Variants in CYBB observed in about 807,000 individuals in gnomAD.
CYBB encodes cytochrome b-245 beta chain.
Under a neutral mutation model 46.5 loss-of-function variants are expected in CYBB, and 5 were observed. The observed-to-expected ratio is 0.11, with a 90% CI of 0.06 to 0.23. The LOEUF is 0.23. Among genes scored for constraint, CYBB ranks in the 10% least tolerant of loss-of-function variants. The pLI, the probability that CYBB is intolerant of heterozygous loss-of-function variation, is 1.00. For synonymous variants in CYBB, 183 were observed against 156.7 expected, an observed-to-expected ratio of 1.17 and a Z score of -1.26; for missense variants, 307 against 428.3, an observed-to-expected ratio of 0.72 and a Z score of 2.50.
In CYBB at chrX:37,796,055, C is replaced by A. The variant is rs1929300456; in HGVS notation, c.588C>A (p.Thr196=). Residue 196 remains threonine (T), a synonymous_variant, in exon 6 of 13, where the codon ACC becomes ACA. Coordinates refer to ENST00000378588, the MANE Select transcript of CYBB (RefSeq NM_000397.4). ...TAATTATCACTTCCTCCACCAAAAC[C>A]ATCCGGAGGTCTTACTTTGAAGTCT... ...LILIITSSTK[T]IRRSYFEVFW... is the part of the protein sequence containing the mutation. 1 of 1,208,221 alleles carries A rather than the reference C, an allele frequency of 8.3e-7. No individual in the cohort carries two copies. Among genetic ancestry groups the A allele is most frequent in the South Asian group, 1.8e-5 (1 of 56,946 alleles).
In CYBB at chrX:37,793,746, C is replaced by A; in HGVS notation, c.419C>A (p.Ala140Glu). ...AATAATTCTGATCCTTATTCAGTAG[C>A]ACTCTCTGAACTTGGAGACAGGCAA... ...RVNNSDPYSV[A>E]LSELGDRQNE... The change falls in exon 5 of 13, where the codon GCA (alanine) becomes GAA (glutamate). Residue 140 changes from alanine to glutamate, a missense_variant. This residue lies in a region of CYBB where 103 missense variants were observed against 150.2 expected (regional missense o/e 0.69). Transcript: ENST00000378588. The A allele has an allele frequency of 8.3e-7, 1 of 1,206,948 alleles. No homozygotes were observed. The highest frequency in any genetic ancestry group is 1.1e-6 in the Non-Finnish European group (1 of 891,662).
intron 9 of CYBB, among the ~76,000 whole-genome samples, chrX:37,804,452 T>C: frequency 8.9e-6 from 1 of 112,071 alleles, no homozygotes; most frequent in Middle Eastern, 4.2e-3. Flanking sequence ...TTCTTAAATT[T>C]TCATTGGCAT....
Position 37,781,492 on chromosome X carries a change from T to C in CYBB, c.46-596T>C, listed in dbSNP as rs10442522. On this transcript the variant is annotated intron_variant, in intron 1 of 12. Coordinates refer to ENST00000378588, the MANE Select transcript of CYBB (RefSeq NM_000397.4). The stretch of plus-strand genomic sequence containing the variant: ...GTGACCACTTGATCCAGTCAGTGCT[T>C]AGGATAAAATGAACTGTCATGATCT... 6.6e-3 allele frequency among the ~76,000 whole-genome samples: 737 copies of C among 112,319 alleles called. 11 individuals are homozygous for C. The highest frequency in any genetic ancestry group is 0.023 in the African/African-American group (712 of 30,898).
chrX:37,809,093 G>A (rs1482712981), intron 11 of CYBB, among the ~76,000 whole-genome samples: 1 of 112,351 alleles, frequency 8.9e-6, no homozygotes, highest in Non-Finnish European at 1.9e-5. Context: ...TTGATTTGAT[G>A]TCTTATGCTA....
rs1183063056 is a variant in CYBB, at chrX:37,801,289, T to C, written c.838T>C (p.Tyr280His). Residue 280 changes from tyrosine (Y) to histidine (H), a missense_variant, in exon 8 of 13, where the codon TAT (tyrosine) becomes CAT (histidine). Around this residue, in one of 3 missense-constraint regions of CYBB, gnomAD observed 82 missense variants for 69.9 expected, o/e 1.17. Coordinates refer to ENST00000378588, the MANE Select transcript of CYBB (RefSeq NM_000397.4). Reference protein sequence around the residue: ...WKWIVGPMFLYLCERLVRFWR... With the variant: ...WKWIVGPMFLHLCERLVRFWR... Reference sequence around the variant, plus strand: ...ATGGATAGTGGGTCCCATGTTTCTGTATCTCTGTGAGAGGTTGGTGCGGTT... The same window carrying C: ...ATGGATAGTGGGTCCCATGTTTCTGCATCTCTGTGAGAGGTTGGTGCGGTT... The C allele has an allele frequency of 8.3e-7, 1 of 1,207,407 alleles. No homozygotes were observed. The highest frequency in any genetic ancestry group is 1.8e-5 in the African/African-American group (1 of 57,071).
intron 12 of CYBB, among the ~76,000 whole-genome samples, chrX:37,810,543 C>T (rs184103722): frequency 1.1e-4 from 12 of 112,208 alleles, no homozygotes; most frequent in Admixed American, 8.5e-4. Flanking sequence ...TAGAAGTTTC[C>T]AAAAACCTTG....
At position 37,810,852 on chromosome X, in the gene CYBB, A is replaced by T. The variant is rs748092600; in HGVS notation, c.1648A>T (p.Ser550Cys). ...EALAETLSKQ[S>C]ISNSESGPRG... ...CTTGGCTGAAACCCTGAGTAAACAA[A>T]GCATCTCCAACTCTGAGTCTGGCCC... The change falls in exon 13 of 13, where the codon AGC becomes TGC. Residue 550 changes from serine to cysteine, a missense_variant. Physicochemically the swap from Ser to Cys is moderately radical, Grantham distance 112. Around this residue, in one of 3 missense-constraint regions of CYBB, gnomAD observed 122 missense variants for 208.3 expected, o/e 0.59. Transcript: ENST00000378588. 3 of 1,204,751 alleles carry T rather than the reference A, an allele frequency of 2.5e-6. No individual in the cohort carries two copies. The South Asian group carries it at 5.3e-5, about 21-fold the overall frequency.
intron 1 of CYBB, among the ~76,000 whole-genome samples, 192 bp downstream of exon 1, chrX:37,780,314 G>C (rs1349217956): frequency 3.6e-5 from 4 of 111,439 alleles, no homozygotes; most frequent in Non-Finnish European, 5.7e-5. Context: ...CATATCTGGG[G>C]GCTCACTTCT....
chrX:37,788,170 T>G (rs781900896), intron 3 of CYBB, among the ~76,000 whole-genome samples: 6 of 111,985 alleles, frequency 5.4e-5, no homozygotes, highest in South Asian at 3.7e-4. Context: ...TTACATTTTT[T>G]ATGATCCATG....
At chrX:37,810,175 A>G (rs1448599290) in intron 12 of CYBB, among the ~76,000 whole-genome samples, 2 of 112,039 alleles carry the variant, frequency 1.8e-5, no homozygotes, top group Non-Finnish European at 3.8e-5. Flanking sequence ...GGGATCCCTT[A>G]TCTTGCTAGA....
intron 6 of CYBB, among the ~76,000 whole-genome samples, chrX:37,796,770 A>C (rs1602180335): frequency 8.9e-6 from 1 of 111,852 alleles, no homozygotes; most frequent in Admixed American, 9.5e-5. Flanking sequence ...CACTATCACC[A>C]TTTCTTGGGG....
In CYBB at chrX:37,798,976, C is replaced by T. The variant is rs782180981; in HGVS notation, c.696C>T (p.Thr232=). 1.8e-5 allele frequency: 22 copies of T among 1,205,925 alleles called. No individual in the cohort carries two copies. The South Asian group carries it at 2.1e-4, about 12-fold the overall frequency. Residue 232 remains threonine (T), a synonymous_variant, in exon 7 of 13, where the codon ACC becomes ACT. Transcript: ENST00000378588. ...CCAGACGAATTGTACGTGGGCAGAC[C>T]GCAGAGAGTTTGGCTGTGCATAATA... ...HGAERIVRGQ[T]AESLAVHNIT...
Position 37,789,044 on chromosome X carries a change from C to G in CYBB, c.253-2931C>G, listed in dbSNP as rs189437928. ...CTTGTTGGCAGAATTCAGTTCATTA[C>G]AGATGTAGCACTAGAGGTCCCTGTT... On this transcript the variant is annotated intron_variant, in intron 3 of 12. Transcript: ENST00000378588. Among the ~76,000 whole-genome samples the G allele has an allele frequency of 2.6e-3, 284 of 111,096 alleles. 2 individuals carry two copies. Among genetic ancestry groups the G allele is most frequent in the Middle Eastern group, 9.3e-3 (2 of 215 alleles).
intron 8 of CYBB, among the ~76,000 whole-genome samples, chrX:37,802,645 C>T (rs1364411692): frequency 8.9e-6 from 1 of 111,870 alleles, no homozygotes; most frequent in African/African-American, 3.2e-5. Flanking sequence ...CTCCTTATTT[C>T]AGAACAGAAG....
chrX:37,801,363 A>C lies in CYBB; in HGVS notation c.897+15A>C, dbSNP rs1055865879. ...TCATCACCAAGGTACTGATTGGTTT[A>C]GTAATTACTAGTGGTCAGTGTCTAA... On this transcript the variant is annotated intron_variant, in intron 8 of 12. Transcript: ENST00000378588. 1 of 1,069,509 alleles carries C rather than the reference A, an allele frequency of 9.4e-7. No homozygotes were observed. The highest frequency in any genetic ancestry group is 1.3e-6 in the Non-Finnish European group (1 of 766,006). 88.1% of individuals were successfully genotyped at this position (1,069,509 alleles called of 1,213,427 possible).
intron 5 of CYBB, among the ~76,000 whole-genome samples, chrX:37,795,476 A>G (rs1226971880): frequency 9.0e-6 from 1 of 111,450 alleles, no homozygotes; most frequent in Non-Finnish European, 1.9e-5. Context: ...CTTGGAGCAC[A>G]TGTTTTCTAA....
chrX:37,791,861 C>A, intron 3 of CYBB, 114 bp from the exon 4 acceptor site: 1 of 550,187 alleles, frequency 1.8e-6, no homozygotes, highest in South Asian at 2.4e-5. Flanking sequence ...TATAATGATA[C>A]AGTTTGCAGG....
intron 3 of CYBB, among the ~76,000 whole-genome samples, chrX:37,789,550 TAAAC>T (rs1929150001): frequency 9.2e-6 from 1 of 109,129 alleles, no homozygotes; most frequent in Non-Finnish European, 1.9e-5. Flanking sequence ...AATAAATAAA[TAAAC>T]TATAAAGGAA....
At chrX:37,809,450 AC>A (rs1304397022) in intron 11 of CYBB, 116 bp from the exon 12 acceptor site, 1 of 828,152 alleles carries the variant, frequency 1.2e-6, no homozygotes, top group Non-Finnish European at 1.8e-6. Context: ...ATCTTTGTTT[AC>A]CTTTCAGCAT....
Sources: allele counts gnomAD v4.1 joint callset (sites outside exome capture counted in the v4.1 genomes callset), GRCh38; gene constraint gnomAD v4.1.1; regional missense constraint gnomAD v4.1.1; transcripts MANE v1.5; gene names NCBI Gene and HGNC (gene_info 2026-07-23, HGNC 2026-07-21).